ABLIM1: variants seen among roughly 807,000 people sequenced by gnomAD.
ABLIM1 encodes actin binding LIM protein 1, also known as actin-binding LIM protein 1.
Under a neutral mutation model 107.0 loss-of-function variants are expected in ABLIM1, and 40 were observed. The ratio of observed to expected loss-of-function variants is 0.37; its 90% CI spans 0.29 to 0.49. The LOEUF (loss-of-function observed/expected upper bound fraction) is 0.49, where lower values mean the gene tolerates loss of function less well. Ranked by LOEUF, ABLIM1 falls within the 20% of genes least tolerant of loss-of-function variation. The pLI is 0.97. For missense variants in ABLIM1, 857 were observed against 1,008.5 expected (o/e 0.85, Z 2.04); for synonymous variants, 357 against 357.3 (o/e 1.00, Z 0.01).
intron 6 of ABLIM1, among the ~76,000 whole-genome samples, chr10:114,527,682 T>C (rs2497711): frequency 0.77 from 109,130 of 142,322 alleles, 42,347 homozygotes; most frequent in African/African-American, 0.89. Context: ...TTTTTTGAGA[T>C]GGGATCTCTG....
At chr10:114,602,675 T>C (rs2076110948) in intron 1 of ABLIM1, among the ~76,000 whole-genome samples, 1 of 152,206 alleles carries the variant, frequency 6.6e-6, no homozygotes, top group African/African-American at 2.4e-5. Context: ...TCTCTGAACC[T>C]CAGTTTCCTT....
At chr10:114,641,246 A>AT (rs1210397107) in intron 1 of ABLIM1, among the ~76,000 whole-genome samples, 3 of 131,716 alleles carry the variant, frequency 2.3e-5, no homozygotes, top group Non-Finnish European at 4.7e-5. Context: ...GAAGCCAATC[A>AT]TAAAAAAAAA....
At chr10:114,731,405 G>C (rs1347864873) in intron 1 of ABLIM1, among the ~76,000 whole-genome samples, 1 of 151,544 alleles carries the variant, frequency 6.6e-6, no homozygotes, top group Non-Finnish European at 1.5e-5. Context: ...GCCTCCCAAA[G>C]TGCCAGGACT....
At chr10:114,500,507 C>G (rs1329612373) in intron 6 of ABLIM1, among the ~76,000 whole-genome samples, 1 of 151,668 alleles carries the variant, frequency 6.6e-6, no homozygotes, top group Non-Finnish European at 1.5e-5. Context: ...TGGAGAAACC[C>G]CATCTCTACA....
At chr10:114,542,584 G>GCGGAGGA (rs1247137088) in intron 6 of ABLIM1, among the ~76,000 whole-genome samples, 5 of 128,574 alleles carry the variant, frequency 3.9e-5, no homozygotes, top group African/African-American at 1.4e-4. Flanking sequence ...GGACGAGGAG[G>GCGGAGGA]AGGAGGAAGG....
At chr10:114,547,853 A>C in intron 4 of ABLIM1, 77 bp from the exon 5 acceptor site, 1 of 1,548,904 alleles carries the variant, frequency 6.5e-7, no homozygotes, top group South Asian at 1.2e-5. Context: ...TTTCAACCCC[A>C]CTGTGTGCCC....
In ABLIM1 at chr10:114,601,974, C is replaced by T. The variant is rs1185387014; in HGVS notation, c.245-13G>A. The T allele has an allele frequency of 6.2e-7, 1 of 1,613,614 alleles. No individual in the cohort carries two copies. Among genetic ancestry groups the T allele is most frequent in the Non-Finnish European group, 8.5e-7 (1 of 1,179,596 alleles). Reference sequence around the variant, plus strand: ...TGAGGGTGGGCCACTGAAAGAAAATCAACAAAAGATCCAGGTGAGTAGAGA... The same window carrying T: ...TGAGGGTGGGCCACTGAAAGAAAATTAACAAAAGATCCAGGTGAGTAGAGA... On this transcript the variant is annotated splice_polypyrimidine_tract_variant and intron_variant, in intron 1 of 22. Coordinates refer to ENST00000533213, the MANE Select transcript of ABLIM1 (RefSeq NM_002313.7).
At chr10:114,692,941 A>G (rs2081114779) in intron 1 of ABLIM1, among the ~76,000 whole-genome samples, 1 of 152,168 alleles carries the variant, frequency 6.6e-6, no homozygotes, top group African/African-American at 2.4e-5. Context: ...ATAAGTCAAC[A>G]CCAAGGACAC....
At chr10:114,799,503 C>T in the ABLIM1 span, among the ~76,000 whole-genome samples, 11 of 152,218 alleles carry the variant, frequency 7.2e-5, no homozygotes, top group Non-Finnish European at 1.2e-4. Context: ...AAAATCCACT[C>T]CTTACCAGTA....
chr10:114,497,606 C>A (rs550910997), intron 6 of ABLIM1, among the ~76,000 whole-genome samples: 55 of 144,432 alleles, frequency 3.8e-4, no homozygotes, highest in African/African-American at 1.4e-3. Flanking sequence ...GGCGCGAACC[C>A]GGGAGGCGGA....
chr10:114,612,803 G>GC (rs1183807754), intron 1 of ABLIM1, among the ~76,000 whole-genome samples: 1 of 152,182 alleles, frequency 6.6e-6, no homozygotes, highest in African/African-American at 2.4e-5. Context: ...TCCCATCTGA[G>GC]CCATTTACAG....
chr10:114,547,433 A>C lies in ABLIM1; in HGVS notation c.800+217T>G, dbSNP rs200405649. 45 of 581,604 alleles carry C rather than the reference A, an allele frequency of 7.7e-5. No homozygotes were observed. In the East Asian group the frequency reaches 1.3e-3, roughly 16 times the overall value. The allele number at this position is 581,604 out of a possible 1,614,324, so 36.0% of individuals were successfully genotyped here. On this transcript the variant is annotated intron_variant, in intron 5 of 22. Transcript: ENST00000533213. The stretch of plus-strand genomic sequence containing the variant: ...ACAGTGTCAGCTTCATTAATTGTTA[A>C]ATTAGGCAATGATTAACATATCATT...
chr10:114,659,467 T>A (rs1225851471), upstream of ABLIM1, among the ~76,000 whole-genome samples: 1 of 152,124 alleles, frequency 6.6e-6, no homozygotes, highest in Admixed American at 6.5e-5. Context: ...CAGTGAGCTA[T>A]GATTGTGCCA....
At chr10:114,632,302 C>T (rs778115603) in intron 1 of ABLIM1, 3 of 985,288 alleles carry the variant, frequency 3.0e-6, no homozygotes, top group Non-Finnish European at 2.4e-6. Context: ...TGAAAAGCTC[C>T]CGAACGCTGG....
intron 2 of ABLIM1, among the ~76,000 whole-genome samples, chr10:114,579,728 G>A (rs1007190164): frequency 2.0e-5 from 3 of 152,098 alleles, no homozygotes; most frequent in African/African-American, 7.2e-5. Context: ...CTGAAACTCT[G>A]CACCCATTAA....
At chr10:114,634,123 A>ATTTTTTT (rs1209219359) in intron 1 of ABLIM1, among the ~76,000 whole-genome samples, 67 of 68,084 alleles carry the variant, frequency 9.8e-4, no homozygotes, top group Non-Finnish European at 1.1e-3. Flanking sequence ...CATTAGCTCA[A>ATTTTTTT]TTTTTCTTTT....
At chr10:114,505,332 T>C (rs1288385289) in intron 6 of ABLIM1, among the ~76,000 whole-genome samples, 1 of 152,232 alleles carries the variant, frequency 6.6e-6, no homozygotes, top group Non-Finnish European at 1.5e-5. Context: ...ATAATTTTTG[T>C]CTCTTGTGCA....
At chr10:114,663,929 G>C (rs2079900094) in intron 1 of ABLIM1, among the ~76,000 whole-genome samples, 1 of 152,224 alleles carries the variant, frequency 6.6e-6, no homozygotes. Context: ...GAAAAATGCA[G>C]AGAGAAGCGT....
At chr10:114,792,279 C>A in the ABLIM1 span, among the ~76,000 whole-genome samples, 3 of 152,174 alleles carry the variant, frequency 2.0e-5, no homozygotes, top group Non-Finnish European at 4.4e-5. Flanking sequence ...CAAGATCACA[C>A]CACTGCATTC....
Sources: gnomAD v4.1 joint callset for allele counts (sites outside exome capture counted in the v4.1 genomes callset) on GRCh38, gnomAD v4.1.1 for gene constraint, MANE v1.5 for transcripts, NCBI Gene and HGNC (gene_info 2026-07-23, HGNC 2026-07-21) for gene names.